The following GREB1L variants were observed in gnomAD, a reference collection of about 807,000 sequenced individuals.
The protein encoded by GREB1L is GREB1-like protein.
A neutral mutation model predicts 200.8 loss-of-function variants in GREB1L; 17 were observed. The ratio of observed to expected loss-of-function variants is 0.08; its 90% CI spans 0.06 to 0.13. GREB1L has a LOEUF of 0.13. GREB1L is among the 10% of genes least tolerant of loss of function. GREB1L has a pLI of 1.00. For synonymous variants in GREB1L, 789 were observed against 893.0 expected (o/e 0.88, Z 2.08); for missense variants, 1,657 against 2,367.7 (o/e 0.70, Z 6.23).
chr18:21,496,327 C>T, intron 20 of GREB1L, 127 bp from the exon 21 acceptor site: 1 of 1,003,146 alleles, frequency 1.0e-6, no homozygotes, highest in South Asian at 1.6e-5. Context: ...AGGTTTCAGT[C>T]AAGGCTCACC....
At chr18:21,376,189 G>A (rs1488988746) in intron 2 of GREB1L, among the ~76,000 whole-genome samples, 1 of 151,554 alleles carries the variant, frequency 6.6e-6, no homozygotes, top group African/African-American at 2.4e-5. Flanking sequence ...GCGTGATCTC[G>A]GCTCACTGCA....
intron 1 of GREB1L, among the ~76,000 whole-genome samples, chr18:21,268,558 CACATATATATATATATATATAT>C (rs1259535963): frequency 1.2e-5 from 1 of 86,696 alleles, no homozygotes; most frequent in African/African-American, 6.4e-5. Context: ...CACACACACA[CACATATATATATATATATATAT>C]ATATATATAT....
intron 7 of GREB1L, among the ~76,000 whole-genome samples, chr18:21,426,590 A>G (rs2032596100): frequency 6.6e-6 from 1 of 152,138 alleles, no homozygotes. Context: ...ACCACACTGC[A>G]TAATTATGGT....
Position 21,324,907 on chromosome 18 carries a change from T to G in GREB1L, c.-119-41120T>G, listed in dbSNP as rs983289323. ...TTTGTCATAAGTTAATTGCTGCATATGAGGACTCCTTCTGGTCCTGGAGTC... is the reference window on the plus strand; with the variant it reads ...TTTGTCATAAGTTAATTGCTGCATAGGAGGACTCCTTCTGGTCCTGGAGTC... On this transcript the variant is annotated intron_variant, in intron 1 of 32. Transcript: ENST00000424526. Among the ~76,000 whole-genome samples, 46 of 152,390 alleles carry G rather than the reference T, an allele frequency of 3.0e-4. 1 individual carries two copies. Among genetic ancestry groups the G allele is most frequent in the African/African-American group, 9.1e-4 (38 of 41,604 alleles).
chr18:21,502,719 C>T (rs774558922), intron 23 of GREB1L, among the ~76,000 whole-genome samples: 37 of 152,138 alleles, frequency 2.4e-4, no homozygotes, highest in Non-Finnish European at 4.9e-4. Flanking sequence ...ACCCCAAGGC[C>T]CCCAGAAAGA....
At chr18:21,482,582 G>A (rs1285421490) in intron 17 of GREB1L, among the ~76,000 whole-genome samples, 1 of 151,196 alleles carries the variant, frequency 6.6e-6, no homozygotes, top group Non-Finnish European at 1.5e-5. Flanking sequence ...ATTTGTGGAG[G>A]GCAGATGAGA....
chr18:21,495,453 T>G (rs1340144782), intron 19 of GREB1L, among the ~76,000 whole-genome samples: 1 of 152,208 alleles, frequency 6.6e-6, no homozygotes, highest in Non-Finnish European at 1.5e-5. Flanking sequence ...GCATCTCCGT[T>G]TTATCCTACT....
chr18:21,327,949 C>T (rs1477891181), intron 1 of GREB1L, among the ~76,000 whole-genome samples: 1 of 152,070 alleles, frequency 6.6e-6, no homozygotes, highest in South Asian at 2.1e-4. Context: ...CTCCTGACCT[C>T]GTGATCCGCC....
At chr18:21,284,256 C>T (rs1035031287) in intron 1 of GREB1L, among the ~76,000 whole-genome samples, 1 of 152,214 alleles carries the variant, frequency 6.6e-6, no homozygotes, top group African/African-American at 2.4e-5. Context: ...CAGAGTTGCA[C>T]AACCATGATC....
chr18:21,467,270 G>A (rs2035294406), intron 15 of GREB1L, among the ~76,000 whole-genome samples: 2 of 152,118 alleles, frequency 1.3e-5, no homozygotes, highest in Non-Finnish European at 2.9e-5. Context: ...CTAAATATTT[G>A]TACTTCAAAG....
intron 11 of GREB1L, among the ~76,000 whole-genome samples, chr18:21,445,338 G>A (rs1394798112): frequency 6.6e-6 from 1 of 152,180 alleles, no homozygotes; most frequent in Non-Finnish European, 1.5e-5. Flanking sequence ...GCTGGGCGTG[G>A]TGGCGCATGC....
intron 2 of GREB1L, among the ~76,000 whole-genome samples, 200 bp downstream of exon 2, chr18:21,366,336 T>G (rs552183456): frequency 6.6e-6 from 1 of 151,918 alleles, no homozygotes; most frequent in South Asian, 2.1e-4. Flanking sequence ...TGCAGAGTTC[T>G]TTCTCTACAA....
intron 1 of GREB1L, among the ~76,000 whole-genome samples, chr18:21,308,575 T>G (rs576486524): frequency 9.8e-4 from 149 of 152,328 alleles, no homozygotes; most frequent in African/African-American, 3.5e-3. Context: ...TTGCCCTAAT[T>G]CATCTTTAGA....
chr18:21,417,376 T>A (rs1464043345), intron 7 of GREB1L, among the ~76,000 whole-genome samples: 1 of 151,626 alleles, frequency 6.6e-6, no homozygotes, highest in Non-Finnish European at 1.5e-5. Context: ...GCAAAAAAAA[T>A]TGCCAGGCAT....
chr18:21,466,459 T>A (rs1476434349), intron 15 of GREB1L, among the ~76,000 whole-genome samples: 1 of 152,004 alleles, frequency 6.6e-6, no homozygotes, highest in African/African-American at 2.4e-5. Flanking sequence ...ATAAAAAAGT[T>A]GCAAAAATAG....
intron 1 of GREB1L, among the ~76,000 whole-genome samples, chr18:21,270,750 A>G (rs772987969): frequency 6.6e-6 from 1 of 152,244 alleles, no homozygotes; most frequent in African/African-American, 2.4e-5. Context: ...ACTTACACGC[A>G]TAGTCAGCAA....
intron 5 of GREB1L, 120 bp from the exon 6 acceptor site, chr18:21,401,030 T>C (rs1199559027): frequency 5.2e-6 from 4 of 770,632 alleles, no homozygotes; most frequent in Non-Finnish European, 6.2e-6. Context: ...CTCTGAATTA[T>C]TTCCTTGAGA....
At chr18:21,410,970 C>G (rs963572711) in intron 7 of GREB1L, among the ~76,000 whole-genome samples, 7 of 150,150 alleles carry the variant, frequency 4.7e-5, no homozygotes, top group African/African-American at 1.7e-4. Flanking sequence ...AAAACAAAAA[C>G]AAAAACAAAA....
chr18:21,321,556 G>A (rs1374757513), intron 1 of GREB1L, among the ~76,000 whole-genome samples: 8 of 151,168 alleles, frequency 5.3e-5, no homozygotes, highest in African/African-American at 1.7e-4. Context: ...GCATGGTGGC[G>A]GGCACCTGTA....
Sources: gnomAD v4.1 joint callset for allele counts (sites outside exome capture counted in the v4.1 genomes callset) on GRCh38, gnomAD v4.1.1 for gene constraint, MANE v1.5 for transcripts, NCBI Gene and HGNC (gene_info 2026-07-23, HGNC 2026-07-21) for gene names.